Variants in INSYN2B observed in about 807,000 individuals in gnomAD.
INSYN2B encodes the protein protein INSYN2B.
A neutral mutation model predicts 41.2 loss-of-function variants in INSYN2B; 16 were observed. The ratio of observed to expected loss-of-function variants is 0.39; its 90% CI spans 0.26 to 0.59. The LOEUF (loss-of-function observed/expected upper bound fraction) is 0.59, where lower values mean the gene tolerates loss of function less well. INSYN2B is among the 20% of genes least tolerant of loss of function. INSYN2B has a pLI of 0.57. For missense variants in INSYN2B, 608 were observed against 646.4 expected, an observed-to-expected ratio of 0.94 and a Z score of 0.64; for synonymous variants, 245 against 244.4, an observed-to-expected ratio of 1.00 and a Z score of -0.02.
intron 3 of INSYN2B, among the ~76,000 whole-genome samples, chr5:169,869,383 C>A (rs531455645): frequency 6.6e-6 from 1 of 152,194 alleles, no homozygotes; most frequent in Non-Finnish European, 1.5e-5. Context: ...CAAGGCCAGG[C>A]AAATAGCAGA....
intron 1 of INSYN2B, among the ~76,000 whole-genome samples, chr5:169,943,586 A>G (rs1026292518): frequency 2.6e-5 from 4 of 152,114 alleles, no homozygotes; most frequent in African/African-American, 9.7e-5. Flanking sequence ...CTATTTGGTT[A>G]CCCTCACCTC....
intron 1 of INSYN2B, among the ~76,000 whole-genome samples, chr5:169,924,929 C>T (rs1026708836): frequency 3.9e-5 from 6 of 152,140 alleles, no homozygotes; most frequent in Non-Finnish European, 8.8e-5. Context: ...GAGTGTGTGT[C>T]CAGGCACAAT....
Position 169,883,727 on chromosome 5 carries a change from T to C in INSYN2B, c.172A>G (p.Thr58Ala), listed in dbSNP as rs1374377630. The change falls in exon 2 of 4, where the codon ACT (threonine) becomes GCT (alanine). Residue 58 changes from threonine to alanine, a missense_variant. By Grantham distance (58) the Thr-to-Ala change is moderately conservative. Coordinates refer to ENST00000377365, the MANE Select transcript of INSYN2B (RefSeq NM_001129891.3). The stretch of plus-strand genomic sequence containing the variant: ...CCCATCACAGCCGGGTCTTCTGGAG[T>C]TTGGACGTCAACCTCAGCTAGGCCA... ...PTGLAEVDVQ[T>A]PEDPAVMGKT... is the part of the protein sequence containing the mutation. 1.3e-6 allele frequency: 2 copies of C among 1,551,364 alleles called. No individual in the cohort carries two copies. Among genetic ancestry groups the C allele is most frequent in the African/African-American group, 2.7e-5 (2 of 72,986 alleles).
chr5:169,958,107 A>G (rs1776938969), intron 1 of INSYN2B, among the ~76,000 whole-genome samples: 1 of 152,182 alleles, frequency 6.6e-6, no homozygotes, highest in African/African-American at 2.4e-5. Flanking sequence ...AGTGTGAAAC[A>G]TGACGTCCAC....
At chr5:169,903,311 T>TA (rs142632030) in intron 1 of INSYN2B, among the ~76,000 whole-genome samples, 22,314 of 110,942 alleles carry the variant, frequency 0.2, 1,822 homozygotes, top group East Asian at 0.24. Context: ...ACAACAACAA[T>TA]AAAAAAAAAA....
chr5:169,952,733 G>A (rs1049894623), intron 1 of INSYN2B, among the ~76,000 whole-genome samples: 2 of 152,204 alleles, frequency 1.3e-5, no homozygotes, highest in African/African-American at 4.8e-5. Flanking sequence ...GACATCTCAG[G>A]TAGGGGTTGT....
At chr5:169,881,336 C>T (rs755678731) in intron 3 of INSYN2B, 32 bp downstream of exon 3, 25 of 1,540,232 alleles carry the variant, frequency 1.6e-5, no homozygotes, top group Non-Finnish European at 2.1e-5. Context: ...GCTTTATGGT[C>T]TACAGAGCAG....
Position 169,865,505 on chromosome 5 carries a change from C to G in INSYN2B, c.1422-1046G>C, listed in dbSNP as rs904403857. Among the ~76,000 whole-genome samples the G allele has an allele frequency of 4.6e-5, 7 of 152,344 alleles. No individual in the cohort carries two copies. In the East Asian group the frequency reaches 1.2e-3, roughly 25 times the overall value. The stretch of plus-strand genomic sequence containing the variant: ...AAAAAACGAATCCTCTTAGACATCC[C>G]TGTGGGCTGAGCACGGGTTCCCTCT... On this transcript the variant is annotated intron_variant, in intron 3 of 3. Transcript: ENST00000377365.
intron 1 of INSYN2B, among the ~76,000 whole-genome samples, chr5:169,887,621 A>G (rs949610766): frequency 1.3e-5 from 2 of 152,212 alleles, no homozygotes; most frequent in Non-Finnish European, 2.9e-5. Context: ...CTATTTAAAT[A>G]GTATTTTTGT....
At chr5:169,959,764 C>CT (rs1214743751) in intron 1 of INSYN2B, among the ~76,000 whole-genome samples, 1 of 152,144 alleles carries the variant, frequency 6.6e-6, no homozygotes. Flanking sequence ...TCCTTAGAGT[C>CT]ATCGTAGATC....
chr5:169,883,652 A>G lies in INSYN2B; in HGVS notation c.247T>C (p.Phe83Leu). 1.3e-6 allele frequency: 2 copies of G among 1,551,182 alleles called. No homozygotes were observed. Among genetic ancestry groups the G allele is most frequent in the Non-Finnish European group, 1.7e-6 (2 of 1,146,696 alleles). The change falls in exon 2 of 4, where the codon TTC (phenylalanine) becomes CTC (leucine). Residue 83 changes from phenylalanine (F) to leucine (L), a missense_variant. Phe to Leu is a conservative substitution (Grantham distance 22). Coordinates refer to ENST00000377365, the MANE Select transcript of INSYN2B (RefSeq NM_001129891.3). ...HHLPPTYSLS[F>L]PRSQKAGGFR... Reference sequence around the variant, plus strand: ...CCCCCTGCCTTCTGGGACCTGGGGAAGGAGAGCGAGTAGGTGGGGGGAAGA... The same window carrying G: ...CCCCCTGCCTTCTGGGACCTGGGGAGGGAGAGCGAGTAGGTGGGGGGAAGA...
chr5:169,936,329 C>T (rs1484771941), intron 1 of INSYN2B, among the ~76,000 whole-genome samples: 1 of 152,096 alleles, frequency 6.6e-6, no homozygotes, highest in Admixed American at 6.5e-5. Context: ...GTTCCTAGGG[C>T]AAAACATTTT....
intron 1 of INSYN2B, among the ~76,000 whole-genome samples, chr5:169,892,586 C>CA (rs1773361017): frequency 6.6e-6 from 1 of 151,964 alleles, no homozygotes; most frequent in East Asian, 1.9e-4. Context: ...GATGGATGGG[C>CA]AAGCCACTAA....
In INSYN2B at chr5:169,950,228, A is replaced by G. The variant is rs538971821; in HGVS notation, c.-919+30049T>C. On this transcript the variant is annotated intron_variant, in intron 1 of 3. Transcript: ENST00000377365. ...CCTGTCAGATTCAAACCCCAGCTCT[A>G]GCTCCATGCCCCTAGAGAAAGTTAT... is the stretch of plus-strand genomic sequence containing the variant. Among the ~76,000 whole-genome samples, 317 of 152,308 alleles carry G rather than the reference A, an allele frequency of 2.1e-3. 1 individual carries two copies. Among genetic ancestry groups the G allele is most frequent in the African/African-American group, 7.3e-3 (302 of 41,566 alleles).
At chr5:169,961,340 C>G (rs1175822840) in intron 1 of INSYN2B, among the ~76,000 whole-genome samples, 1 of 152,232 alleles carries the variant, frequency 6.6e-6, no homozygotes, top group Non-Finnish European at 1.5e-5. Flanking sequence ...TTGAACTACA[C>G]TGAACAGAAT....
chr5:169,959,125 G>C (rs1293493872), intron 1 of INSYN2B, among the ~76,000 whole-genome samples: 1 of 151,658 alleles, frequency 6.6e-6, no homozygotes, highest in East Asian at 1.9e-4. Flanking sequence ...GGGCATGGTG[G>C]CTCATGCCTG....
chr5:169,910,030 T>C (rs1482606048), intron 1 of INSYN2B, among the ~76,000 whole-genome samples: 1 of 152,176 alleles, frequency 6.6e-6, no homozygotes, highest in Admixed American at 6.5e-5. Flanking sequence ...TCTCAGCCAT[T>C]GGAACAAATT....
chr5:169,938,834 T>C (rs941562286), intron 1 of INSYN2B, among the ~76,000 whole-genome samples: 1 of 152,238 alleles, frequency 6.6e-6, no homozygotes, highest in African/African-American at 2.4e-5. Flanking sequence ...AACACAAATA[T>C]TGTATAACTG....
intron 1 of INSYN2B, among the ~76,000 whole-genome samples, chr5:169,912,540 C>T (rs1774656822): frequency 6.6e-6 from 1 of 152,112 alleles, no homozygotes; most frequent in Admixed American, 6.6e-5. Context: ...AATAACTACT[C>T]CAATCCATAA....
Sources: gnomAD v4.1 joint callset for allele counts (sites outside exome capture counted in the v4.1 genomes callset) on GRCh38, gnomAD v4.1.1 for gene constraint, MANE v1.5 for transcripts, NCBI Gene and HGNC (gene_info 2026-07-23, HGNC 2026-07-21) for gene names.